The following SHTN1 variants were observed in gnomAD, a reference collection of about 807,000 sequenced individuals.
SHTN1 encodes shootin 1.
In SHTN1, 42 loss-of-function variants were observed where a neutral mutation model predicts 83.1. The observed-to-expected ratio is 0.51, with a 90% CI of 0.39 to 0.65. SHTN1 has a LOEUF of 0.65. Among genes scored for constraint, SHTN1 ranks in the 30% least tolerant of loss-of-function variants. The probability of loss-of-function intolerance (pLI) is 0.00; values close to 1 mark genes in which losing one functional copy is unlikely to be tolerated. For missense variants in SHTN1, 622 were observed against 737.8 expected, an observed-to-expected ratio of 0.84 and a Z score of 1.82; for synonymous variants, 224 against 247.7, an observed-to-expected ratio of 0.90 and a Z score of 0.90.
chr10:116,882,969 TACACACACACACAC>T lies in SHTN1; in HGVS notation c.*3361_*3374del, dbSNP rs61072842. 2.2e-5 allele frequency: 3 copies of T among 138,520 alleles called. No homozygotes were observed. The highest frequency in any genetic ancestry group is 5.1e-5 in the African/African-American group (2 of 38,998). 8.6% of individuals were successfully genotyped at this position (138,520 alleles called of 1,614,324 possible). Reference sequence around the variant, plus strand: ...GGGTGTTCACATACCCTTTGAAAAATACACACACACACACACACACACACACACACATCATGAGA... The same window carrying T: ...GGGTGTTCACATACCCTTTGAAAAATACACACACACACACACATCATGAGA... On this transcript the variant is annotated 3_prime_UTR_variant, in exon 17 of 17. Transcript: ENST00000355371.
chr10:117,044,459 G>T (rs1852631893), intron 2 of SHTN1, among the ~76,000 whole-genome samples: 1 of 152,120 alleles, frequency 6.6e-6, no homozygotes, highest in Non-Finnish European at 1.5e-5. Context: ...TGTTAACAAT[G>T]ATGTAATTTG....
intron 1 of SHTN1, among the ~76,000 whole-genome samples, chr10:117,085,459 T>C (rs1358441861): frequency 6.6e-6 from 1 of 152,230 alleles, no homozygotes; most frequent in Non-Finnish European, 1.5e-5. Context: ...CCAGCTATCT[T>C]TATTACCGAT....
At chr10:117,022,624 C>T (rs1189525683) in intron 2 of SHTN1, among the ~76,000 whole-genome samples, 4 of 152,114 alleles carry the variant, frequency 2.6e-5, no homozygotes, top group African/African-American at 7.2e-5. Context: ...TCATTAATAT[C>T]TTAAAACATG....
rs901213474 is a variant in SHTN1 at position 116,940,561 on chromosome 10, T to C, written c.763A>G (p.Ser255Gly). ...LKRQSHLLLQ[S>G]SIPDQQLLKA... ...AAAAGCTGCTGATCAGGGATGGAGC[T>C]CTGCAGCAGAAGGTGGCTTTGTCTC... Residue 255 changes from serine to glycine, a missense_variant, in exon 9 of 17, where the codon AGC becomes GGC. Transcript: ENST00000355371. The C allele has an allele frequency of 6.2e-7, 1 of 1,613,496 alleles. No individual in the cohort carries two copies.
At chr10:117,042,358 G>A (rs944593606) in intron 2 of SHTN1, among the ~76,000 whole-genome samples, 6 of 152,090 alleles carry the variant, frequency 3.9e-5, no homozygotes, top group African/African-American at 1.4e-4. Flanking sequence ...ATATTCCATG[G>A]TGCTCAAGTC....
At chr10:117,079,299 T>A (rs931740504) in intron 1 of SHTN1, among the ~76,000 whole-genome samples, 5 of 139,350 alleles carry the variant, frequency 3.6e-5, no homozygotes, top group Non-Finnish European at 7.6e-5. Context: ...TGGTTTTTTG[T>A]TCTTGCGATA....
intron 16 of SHTN1, among the ~76,000 whole-genome samples, chr10:116,897,903 C>A (rs1847577650): frequency 6.6e-6 from 1 of 152,152 alleles, no homozygotes. Flanking sequence ...CCTTGTTACT[C>A]CCCCTCCCGT....
chr10:117,030,046 G>A (rs563556195), intron 2 of SHTN1, among the ~76,000 whole-genome samples: 4 of 151,912 alleles, frequency 2.6e-5, no homozygotes, highest in South Asian at 4.2e-4. Context: ...ATGCCATCAC[G>A]CCCGGCTAAT....
At chr10:117,024,849 CA>C (rs1176382744) in intron 2 of SHTN1, among the ~76,000 whole-genome samples, 2 of 152,054 alleles carry the variant, frequency 1.3e-5, no homozygotes, top group African/African-American at 4.8e-5. Context: ...ATAAAACAGA[CA>C]AAAATGTTAA....
intron 1 of SHTN1, among the ~76,000 whole-genome samples, chr10:117,063,874 G>A (rs781276968): frequency 6.6e-6 from 1 of 151,952 alleles, no homozygotes; most frequent in Non-Finnish European, 1.5e-5. Context: ...GGCCTTTCTT[G>A]ATATCCCCAA....
At chr10:116,982,258 T>C (rs202149353) in intron 1 of SHTN1, among the ~76,000 whole-genome samples, 1 of 152,200 alleles carries the variant, frequency 6.6e-6, no homozygotes, top group Admixed American at 6.5e-5. Flanking sequence ...TAAGAATCTT[T>C]GAACTATCAT....
intron 2 of SHTN1, among the ~76,000 whole-genome samples, chr10:117,033,089 A>G (rs1405034236): frequency 6.6e-6 from 1 of 152,176 alleles, no homozygotes; most frequent in East Asian, 1.9e-4. Flanking sequence ...ACATCAAAAA[A>G]GAAGAAAAAT....
rs549364047 is a variant in SHTN1 at position 116,997,455 on chromosome 10, G to T, written c.58+7567C>A. Reference sequence around the variant, plus strand: ...ATTTTTTCTACCCTTCAATCCTTAAGGCATCTCTTGACTATGACAGTTTCT... The same window carrying T: ...ATTTTTTCTACCCTTCAATCCTTAATGCATCTCTTGACTATGACAGTTTCT... On this transcript the variant is annotated intron_variant, in intron 1 of 16. Coordinates refer to ENST00000355371, the MANE Select transcript of SHTN1 (RefSeq NM_001127211.3). 1.6e-4 allele frequency among the ~76,000 whole-genome samples: 24 copies of T among 152,230 alleles called. No individual in the cohort carries two copies. The East Asian group carries it at 3.5e-3, about 22-fold the overall frequency.
chr10:117,064,932 C>A (rs1044194773), intron 1 of SHTN1, among the ~76,000 whole-genome samples: 1 of 152,176 alleles, frequency 6.6e-6, no homozygotes, highest in Non-Finnish European at 1.5e-5. Flanking sequence ...CTCTCTGATT[C>A]CTTTCTTACT....
intron 1 of SHTN1, among the ~76,000 whole-genome samples, chr10:116,987,313 C>T (rs1350977624): frequency 6.6e-6 from 1 of 152,158 alleles, no homozygotes; most frequent in Non-Finnish European, 1.5e-5. Context: ...CACTTCCCTT[C>T]CTTCCATACG....
chr10:117,018,862 C>G (rs7893569), intron 2 of SHTN1, among the ~76,000 whole-genome samples: 7 of 152,008 alleles, frequency 4.6e-5, no homozygotes, highest in Non-Finnish European at 1.0e-4. Flanking sequence ...TGAGCCACTG[C>G]GCCTGGCCTG....
At chr10:116,906,532 A>G in intron 15 of SHTN1, 95 bp downstream of exon 15, 1 of 1,264,786 alleles carries the variant, frequency 7.9e-7, no homozygotes. Context: ...TATTTTAATA[A>G]TACTTTTTAA....
At chr10:116,915,260 A>G in intron 13 of SHTN1, 115 bp downstream of exon 13, 1 of 659,636 alleles carries the variant, frequency 1.5e-6, no homozygotes. Context: ...GTGACACATT[A>G]GCTTTATCCT....
intron 16 of SHTN1, among the ~76,000 whole-genome samples, chr10:116,886,919 C>T (rs566124612): frequency 7.9e-5 from 12 of 152,312 alleles, no homozygotes; most frequent in African/African-American, 2.4e-4. Flanking sequence ...GACCCCCACC[C>T]GCCCTCACTT....
Sources: allele counts gnomAD v4.1 joint callset (sites outside exome capture counted in the v4.1 genomes callset), GRCh38; gene constraint gnomAD v4.1.1; transcripts MANE v1.5; gene names NCBI Gene and HGNC (gene_info 2026-07-23, HGNC 2026-07-21).